The following GMDS variants were observed in gnomAD, a reference collection of about 807,000 sequenced individuals.
The protein encoded by GMDS is GDP-mannose 4,6 dehydratase.
Under a neutral mutation model 49.9 loss-of-function variants are expected in GMDS, and 20 were observed. The observed-to-expected ratio is 0.40, with a 90% CI of 0.28 to 0.58. The LOEUF is 0.58. Among genes scored for constraint, GMDS ranks in the 20% least tolerant of loss-of-function variants. The probability of loss-of-function intolerance (pLI) is 0.42; values close to 1 mark genes in which losing one functional copy is unlikely to be tolerated. For synonymous variants in GMDS, 177 were observed against 178.6 expected, an observed-to-expected ratio of 0.99 and a Z score of 0.07; for missense variants, 362 against 481.4, an observed-to-expected ratio of 0.75 and a Z score of 2.32.
intron 9 of GMDS, among the ~76,000 whole-genome samples, chr6:1,633,507 C>A (rs898119347): frequency 6.6e-6 from 1 of 151,926 alleles, no homozygotes; most frequent in South Asian, 2.1e-4. Flanking sequence ...GATGGGAGTG[C>A]GAGGGAGCGA....
chr6:1,824,366 C>T (rs1771021014), intron 7 of GMDS, among the ~76,000 whole-genome samples: 1 of 152,128 alleles, frequency 6.6e-6, no homozygotes, highest in Non-Finnish European at 1.5e-5. Context: ...CTTTCTACAA[C>T]ATCATTCTCA....
chr6:1,747,179 A>G (rs571714421), intron 7 of GMDS, among the ~76,000 whole-genome samples: 118 of 152,168 alleles, frequency 7.8e-4, no homozygotes, highest in Admixed American at 2.9e-3. Context: ...GAGAACACTC[A>G]AAGTGCATCA....
chr6:1,815,935 A>AACTTCAGCTGGGAATAGAAAG (rs1770647880), intron 7 of GMDS, among the ~76,000 whole-genome samples: 1 of 152,258 alleles, frequency 6.6e-6, no homozygotes, highest in South Asian at 2.1e-4. Context: ...GAAAAGGAAG[A>AACTTCAGCTGGGAATAGAAAG]ACTTCAGCTG....
At chr6:2,183,289 G>A (rs1309544591) in intron 1 of GMDS, among the ~76,000 whole-genome samples, 1 of 152,070 alleles carries the variant, frequency 6.6e-6, no homozygotes, top group Non-Finnish European at 1.5e-5. Context: ...CATGGAAAAG[G>A]GTCAAAATAG....
At chr6:2,125,076 G>C (rs900874815) in intron 1 of GMDS, among the ~76,000 whole-genome samples, 1 of 152,144 alleles carries the variant, frequency 6.6e-6, no homozygotes, top group African/African-American at 2.4e-5. Context: ...CAGAATATGG[G>C]GGCAGAATGC....
chr6:1,624,018 G>T lies in GMDS; in HGVS notation c.*151C>A. On this transcript the variant is annotated 3_prime_UTR_variant, in exon 11 of 11. Coordinates refer to ENST00000380815, the MANE Select transcript of GMDS (RefSeq NM_001500.4). ...GGCTGCTACAAACCTCGGCGGGGCG[G>T]CCCCGCTCTTGCGGCCGGGACAGCG... The T allele has an allele frequency of 1.5e-6, 1 of 654,844 alleles. No individual in the cohort carries two copies. Among genetic ancestry groups the T allele is most frequent in the Non-Finnish European group, 2.6e-6 (1 of 384,976 alleles). 40.6% of individuals were successfully genotyped at this position (654,844 alleles called of 1,614,324 possible). A position where few individuals can be genotyped will look rare whatever the true frequency, so the allele number is the denominator to read the frequency against.
intron 7 of GMDS, among the ~76,000 whole-genome samples, chr6:1,831,919 A>G (rs1490407025): frequency 1.3e-5 from 2 of 152,146 alleles, no homozygotes; most frequent in African/African-American, 4.8e-5. Flanking sequence ...CATAATTCCA[A>G]GGAAATTTCT....
intron 1 of GMDS, among the ~76,000 whole-genome samples, chr6:2,140,176 G>A (rs1318197236): frequency 1.3e-5 from 2 of 152,106 alleles, no homozygotes; most frequent in Admixed American, 6.6e-5. Context: ...GGAGATTATC[G>A]TGGATTATCT....
intron 4 of GMDS, among the ~76,000 whole-genome samples, chr6:1,987,342 T>C (rs1227149503): frequency 6.6e-6 from 1 of 152,226 alleles, no homozygotes; most frequent in Non-Finnish European, 1.5e-5. Flanking sequence ...AAGTTTAAAA[T>C]CTACTGAAAA....
intron 9 of GMDS, among the ~76,000 whole-genome samples, chr6:1,716,385 G>A (rs1365513734): frequency 6.6e-6 from 1 of 152,160 alleles, no homozygotes; most frequent in Non-Finnish European, 1.5e-5. Flanking sequence ...ACCCATCAGG[G>A]GTCAGATGGC....
intron 1 of GMDS, among the ~76,000 whole-genome samples, chr6:2,164,065 AAT>A (rs1777541661): frequency 6.6e-6 from 1 of 152,228 alleles, no homozygotes; most frequent in South Asian, 2.1e-4. Flanking sequence ...TAGCATTTCT[AAT>A]TCAATCACCG....
At chr6:1,899,396 C>T (rs116077532) in intron 7 of GMDS, among the ~76,000 whole-genome samples, 2,681 of 152,154 alleles carry the variant, frequency 0.018, 81 homozygotes, top group African/African-American at 0.061. Flanking sequence ...GTGGTCCCCA[C>T]GCGTCCTGGC....
At chr6:2,047,340 C>T (rs763764436) in intron 4 of GMDS, among the ~76,000 whole-genome samples, 1 of 152,110 alleles carries the variant, frequency 6.6e-6, no homozygotes, top group Non-Finnish European at 1.5e-5. Flanking sequence ...ACCTTAACAA[C>T]GAACAAGGGC....
intron 7 of GMDS, among the ~76,000 whole-genome samples, chr6:1,889,677 T>C (rs889965459): frequency 1.3e-5 from 2 of 152,224 alleles, no homozygotes; most frequent in Admixed American, 6.5e-5. Flanking sequence ...TTGATTTTAG[T>C]ATACTCAGGG....
chr6:2,015,662 G>A (rs1767843379), intron 4 of GMDS, among the ~76,000 whole-genome samples: 1 of 152,042 alleles, frequency 6.6e-6, no homozygotes, highest in Non-Finnish European at 1.5e-5. Context: ...TCTGTAAGGT[G>A]TATTTTCCAA....
intron 9 of GMDS, among the ~76,000 whole-genome samples, chr6:1,653,957 C>T (rs1763794372): frequency 6.6e-6 from 1 of 152,074 alleles, no homozygotes; most frequent in South Asian, 2.1e-4. Context: ...TGGACTCCTA[C>T]AACTTAACAA....
At chr6:1,730,621 T>C (rs1766759750) in intron 8 of GMDS, among the ~76,000 whole-genome samples, 2 of 152,028 alleles carry the variant, frequency 1.3e-5, no homozygotes, top group African/African-American at 4.8e-5. Context: ...TAGGTGCTTG[T>C]ATGCACGATG....
At chr6:1,678,342 C>T (rs541067934) in intron 9 of GMDS, among the ~76,000 whole-genome samples, 1 of 152,312 alleles carries the variant, frequency 6.6e-6, no homozygotes, top group African/African-American at 2.4e-5. Context: ...CCAATGTTCC[C>T]ACCCAATGCT....
At chr6:1,867,156 G>A (rs183325407) in intron 7 of GMDS, among the ~76,000 whole-genome samples, 1 of 152,228 alleles carries the variant, frequency 6.6e-6, no homozygotes, top group African/African-American at 2.4e-5. Context: ...AAATGCAAAA[G>A]TTACTTTGAA....
Sources: allele counts gnomAD v4.1 joint callset (sites outside exome capture counted in the v4.1 genomes callset), GRCh38; gene constraint gnomAD v4.1.1; transcripts MANE v1.5; gene names NCBI Gene and HGNC (gene_info 2026-07-23, HGNC 2026-07-21).